The following CACNA2D1 variants were observed in gnomAD, a reference collection of about 807,000 sequenced individuals.
CACNA2D1 encodes the protein calcium voltage-gated channel auxiliary subunit alpha2delta 1.
A neutral mutation model predicts 171.5 loss-of-function variants in CACNA2D1; 53 were observed. The ratio of observed to expected loss-of-function variants is 0.31; its 90% CI spans 0.25 to 0.39. The LOEUF (loss-of-function observed/expected upper bound fraction) is 0.39. CACNA2D1 is among the 10% of genes least tolerant of loss of function. CACNA2D1 has a pLI of 1.00. For synonymous variants in CACNA2D1, 442 were observed against 443.1 expected, an observed-to-expected ratio of 1.00 and a Z score of 0.03; for missense variants, 903 against 1,299.8, an observed-to-expected ratio of 0.69 and a Z score of 4.69.
chr7:82,094,356 C>T (rs965136864), intron 6 of CACNA2D1, among the ~76,000 whole-genome samples: 3 of 152,122 alleles, frequency 2.0e-5, no homozygotes, highest in Non-Finnish European at 4.4e-5. Flanking sequence ...AGGTTAATAT[C>T]CTTGTATCTC....
chr7:81,969,475 A>C (rs968623858), intron 28 of CACNA2D1, among the ~76,000 whole-genome samples: 13 of 151,492 alleles, frequency 8.6e-5, no homozygotes, highest in Admixed American at 7.9e-4. Flanking sequence ...AAGTCAATAA[A>C]ATATTTTAAA....
At chr7:82,119,473 G>A (rs1223055479) in intron 5 of CACNA2D1, among the ~76,000 whole-genome samples, 1 of 152,114 alleles carries the variant, frequency 6.6e-6, no homozygotes, top group Non-Finnish European at 1.5e-5. Context: ...ATTTAATTTG[G>A]AAAGTCATAA....
intron 3 of CACNA2D1, among the ~76,000 whole-genome samples, chr7:82,249,733 G>A (rs894485926): frequency 1.1e-4 from 16 of 152,044 alleles, no homozygotes; most frequent in Non-Finnish European, 1.8e-4. Flanking sequence ...AATCATGCAC[G>A]CATGTTGTGC....
At chr7:82,146,327 C>A (rs745825833) in intron 4 of CACNA2D1, among the ~76,000 whole-genome samples, 2 of 109,786 alleles carry the variant, frequency 1.8e-5, no homozygotes, top group African/African-American at 6.1e-5. Flanking sequence ...TGTGTGTGTG[C>A]GTGTGTGTGT....
intron 6 of CACNA2D1, among the ~76,000 whole-genome samples, chr7:82,085,186 G>T (rs528118556): frequency 2.6e-5 from 4 of 152,178 alleles, no homozygotes; most frequent in South Asian, 2.1e-4. Flanking sequence ...CTGACATTTT[G>T]GCCTCGGTTA....
intron 21 of CACNA2D1, 91 bp downstream of exon 21, chr7:81,991,094 A>C: frequency 1.4e-6 from 1 of 733,358 alleles, no homozygotes; most frequent in African/African-American, 1.7e-5. Flanking sequence ...GAACTTTTCT[A>C]GTGAAAATCA....
intron 4 of CACNA2D1, among the ~76,000 whole-genome samples, chr7:82,138,473 G>T (rs1392268659): frequency 7.7e-6 from 1 of 130,570 alleles, no homozygotes; most frequent in African/African-American, 2.9e-5. Flanking sequence ...TTGAGACAGA[G>T]TGTCGCTGTG....
intron 31 of CACNA2D1, 65 bp from the exon 32 acceptor site, chr7:81,965,730 C>G: frequency 1.1e-6 from 1 of 901,948 alleles, no homozygotes; most frequent in Non-Finnish European, 1.9e-6. Flanking sequence ...TTGTCTTTAC[C>G]CCATTATATA....
At chr7:82,085,547 A>T (rs1047180591) in intron 6 of CACNA2D1, among the ~76,000 whole-genome samples, 1 of 151,676 alleles carries the variant, frequency 6.6e-6, no homozygotes, top group Non-Finnish European at 1.5e-5. Flanking sequence ...AAAAAAAGTC[A>T]TTGGGCATAG....
intron 7 of CACNA2D1, among the ~76,000 whole-genome samples, chr7:82,069,024 G>A (rs62462550): frequency 1.4e-4 from 21 of 152,050 alleles, no homozygotes; most frequent in Non-Finnish European, 2.8e-4. Context: ...GAGGCTTTCT[G>A]AGATATTTAC....
At chr7:81,992,353 T>C (rs543585360) in intron 20 of CACNA2D1, among the ~76,000 whole-genome samples, 1 of 152,240 alleles carries the variant, frequency 6.6e-6, no homozygotes, top group South Asian at 2.1e-4. Flanking sequence ...GGTAAGGTGC[T>C]TAAGTTGGCA....
Position 82,119,049 on chromosome 7 carries a change from T to C in CACNA2D1, c.397-1876A>G, listed in dbSNP as rs529580321. Among the ~76,000 whole-genome samples the C allele has an allele frequency of 3.3e-3, 507 of 152,168 alleles. 6 individuals are homozygous for C. Among genetic ancestry groups the C allele is most frequent in the South Asian group, 0.028 (137 of 4,818 alleles). On this transcript the variant is annotated intron_variant, in intron 5 of 38. Coordinates refer to ENST00000356860, the MANE Select transcript of CACNA2D1 (RefSeq NM_000722.4). ...TTTAATTGAAATACAGTAAATATTA[T>C]ATACAAAGGACCTGACTTTTATGAA...
intron 3 of CACNA2D1, among the ~76,000 whole-genome samples, chr7:82,227,372 G>A (rs1802471973): frequency 6.6e-6 from 1 of 152,160 alleles, no homozygotes; most frequent in Admixed American, 6.6e-5. Context: ...ATTGTATAAT[G>A]ACAAAGTTGA....
intron 3 of CACNA2D1, among the ~76,000 whole-genome samples, chr7:82,285,943 G>T (rs1208463625): frequency 6.6e-6 from 1 of 152,232 alleles, no homozygotes. Flanking sequence ...AGCCACAGAT[G>T]GATTCCAGTG....
At chr7:82,335,333 T>C (rs12056126) in intron 2 of CACNA2D1, 82 bp from the exon 3 acceptor site, 2 of 818,450 alleles carry the variant, frequency 2.4e-6, no homozygotes, top group African/African-American at 1.7e-5. Context: ...TATTTAAAAC[T>C]ATAAACAACT....
chr7:82,265,322 C>A (rs540563883), intron 3 of CACNA2D1, among the ~76,000 whole-genome samples: 1 of 151,808 alleles, frequency 6.6e-6, no homozygotes, highest in South Asian at 2.1e-4. Flanking sequence ...TAAATATTAC[C>A]TTACAATTTT....
At chr7:82,039,784 A>C (rs182193653) in intron 10 of CACNA2D1, among the ~76,000 whole-genome samples, 17 of 152,322 alleles carry the variant, frequency 1.1e-4, no homozygotes, top group Non-Finnish European at 8.8e-5. Context: ...CAACATGTGC[A>C]AAGGCCCTCA....
At chr7:82,007,618 T>G in intron 16 of CACNA2D1, 61 bp downstream of exon 16, 1 of 886,280 alleles carries the variant, frequency 1.1e-6, no homozygotes, top group Non-Finnish European at 1.9e-6. Flanking sequence ...CTTATCCATG[T>G]TGAGCTTCAA....
chr7:82,264,864 T>C (rs1488765906), intron 3 of CACNA2D1, among the ~76,000 whole-genome samples: 1 of 152,216 alleles, frequency 6.6e-6, no homozygotes, highest in Non-Finnish European at 1.5e-5. Flanking sequence ...GATGAAAATA[T>C]ATACCTAGAT....
Sources: gnomAD v4.1 joint callset for allele counts (sites outside exome capture counted in the v4.1 genomes callset) on GRCh38, gnomAD v4.1.1 for gene constraint, MANE v1.5 for transcripts, NCBI Gene and HGNC (gene_info 2026-07-23, HGNC 2026-07-21) for gene names.